The following GNG12 variants were observed in gnomAD, a reference collection of about 807,000 sequenced individuals.
GNG12 encodes the protein G protein subunit gamma 12, also known as guanine nucleotide-binding protein G(I)/G(S)/G(O) subunit gamma-12.
For missense variants in GNG12, 69 were observed against 83.8 expected (o/e 0.82, Z 0.69); for synonymous variants, 28 against 29.7 (o/e 0.94, Z 0.19).
chr1:67,753,557 C>T (rs1184880387), intron 2 of GNG12, among the ~76,000 whole-genome samples: 1 of 152,126 alleles, frequency 6.6e-6, no homozygotes, highest in Non-Finnish European at 1.5e-5. Context: ...CAGGGCAGCC[C>T]CGATACCTTC....
intron 2 of GNG12, among the ~76,000 whole-genome samples, chr1:67,756,381 G>A (rs1231441362): frequency 1.3e-5 from 2 of 152,238 alleles, no homozygotes; most frequent in Non-Finnish European, 2.9e-5. Context: ...AAGGCCAGTT[G>A]AGGGGCTGCT....
At chr1:67,728,126 C>G (rs748381773) in intron 2 of GNG12, among the ~76,000 whole-genome samples, 2 of 152,176 alleles carry the variant, frequency 1.3e-5, no homozygotes, top group African/African-American at 2.4e-5. Flanking sequence ...CACAAAGCCA[C>G]CAGAAGATGG....
intron 2 of GNG12, among the ~76,000 whole-genome samples, chr1:67,712,734 A>G (rs1570477312): frequency 6.6e-6 from 1 of 152,054 alleles, no homozygotes; most frequent in Middle Eastern, 3.4e-3. Flanking sequence ...TTTTCATTCT[A>G]GAAGCCACCC....
intron 2 of GNG12, among the ~76,000 whole-genome samples, chr1:67,772,139 T>C (rs150391858): frequency 6.6e-6 from 1 of 152,296 alleles, no homozygotes; most frequent in African/African-American, 2.4e-5. Context: ...GACATAATGA[T>C]GGAAAACATA....
chr1:67,789,185 G>A (rs899076883), intron 1 of GNG12, among the ~76,000 whole-genome samples: 2 of 152,146 alleles, frequency 1.3e-5, no homozygotes, highest in Admixed American at 6.5e-5. Context: ...CCAAGGGCCC[G>A]CTATTAAGTC....
chr1:67,804,300 G>C (rs1570563357), intron 1 of GNG12, among the ~76,000 whole-genome samples: 1 of 152,152 alleles, frequency 6.6e-6, no homozygotes, highest in African/African-American at 2.4e-5. Flanking sequence ...CAACCAAAGT[G>C]CTTTAGTGAA....
intron 1 of GNG12, among the ~76,000 whole-genome samples, chr1:67,784,921 T>C (rs1164092283): frequency 6.6e-6 from 1 of 152,302 alleles, no homozygotes; most frequent in African/African-American, 2.4e-5. Flanking sequence ...AGCAACCCTG[T>C]GAATGAGCTG....
chr1:67,731,868 G>T (rs986427978), intron 2 of GNG12, among the ~76,000 whole-genome samples: 14 of 152,274 alleles, frequency 9.2e-5, no homozygotes, highest in Admixed American at 8.5e-4. Context: ...TATTTTGTAT[G>T]CTTATTTTTT....
At chr1:67,727,951 G>GT (rs1202462563) in intron 2 of GNG12, among the ~76,000 whole-genome samples, 1 of 152,204 alleles carries the variant, frequency 6.6e-6, no homozygotes, top group East Asian at 1.9e-4. Flanking sequence ...TGCCCTATCA[G>GT]TTGCTTCTCC....
intron 1 of GNG12, among the ~76,000 whole-genome samples, chr1:67,817,673 G>C (rs1458508571): frequency 6.6e-6 from 1 of 152,038 alleles, no homozygotes; most frequent in Non-Finnish European, 1.5e-5. Flanking sequence ...TTCCTCATTA[G>C]CTTACTGGTC....
At chr1:67,819,547 A>G (rs755676621) in intron 1 of GNG12, among the ~76,000 whole-genome samples, 20 of 152,284 alleles carry the variant, frequency 1.3e-4, no homozygotes, top group Non-Finnish European at 2.1e-4. Context: ...TCCCTTCAAA[A>G]ATAACACAGT....
chr1:67,776,386 C>A (rs1030427233), intron 2 of GNG12, among the ~76,000 whole-genome samples: 1 of 152,150 alleles, frequency 6.6e-6, no homozygotes, highest in Admixed American at 6.6e-5. Flanking sequence ...TATCCATGCT[C>A]CTTGAAATGG....
At chr1:67,761,365 T>G (rs1039998162) in intron 2 of GNG12, among the ~76,000 whole-genome samples, 4 of 152,210 alleles carry the variant, frequency 2.6e-5, no homozygotes, top group Non-Finnish European at 5.9e-5. Context: ...ATTTCCAAGA[T>G]AAACAGAGAG....
chr1:67,789,332 C>T (rs1646787902), intron 1 of GNG12, among the ~76,000 whole-genome samples: 2 of 152,168 alleles, frequency 1.3e-5, no homozygotes, highest in African/African-American at 4.8e-5. Flanking sequence ...TGATTTCTAA[C>T]ACATTTTTGG....
chr1:67,735,040 G>T (rs538123748), intron 2 of GNG12, among the ~76,000 whole-genome samples: 2 of 152,034 alleles, frequency 1.3e-5, no homozygotes, highest in East Asian at 3.9e-4. Flanking sequence ...TTTTTTAGTA[G>T]AGATGGGGTT....
At chr1:67,743,228 C>G (rs191344330) in intron 2 of GNG12, among the ~76,000 whole-genome samples, 3 of 152,240 alleles carry the variant, frequency 2.0e-5, no homozygotes, top group Admixed American at 2.0e-4. Context: ...GAAATGCTAT[C>G]TAGTGTTTTA....
chr1:67,757,887 G>A (rs1034342681), intron 2 of GNG12, among the ~76,000 whole-genome samples: 10 of 152,194 alleles, frequency 6.6e-5, no homozygotes, highest in Non-Finnish European at 1.0e-4. Context: ...AAAAGAAAAC[G>A]CAGCAATGGA....
intron 2 of GNG12, among the ~76,000 whole-genome samples, chr1:67,717,874 C>T (rs544727509): frequency 2.6e-5 from 4 of 152,318 alleles, no homozygotes; most frequent in Non-Finnish European, 4.4e-5. Context: ...ATTCAAATCC[C>T]GGCTCATCAC....
intron 2 of GNG12, among the ~76,000 whole-genome samples, chr1:67,774,073 T>A (rs952012472): frequency 2.6e-5 from 4 of 152,294 alleles, no homozygotes; most frequent in Admixed American, 6.5e-5. Flanking sequence ...CTGTGTGGCA[T>A]TATCTTTATG....
Sources: allele counts gnomAD v4.1 joint callset (sites outside exome capture counted in the v4.1 genomes callset), GRCh38; gene constraint gnomAD v4.1.1; transcripts MANE v1.5; gene names NCBI Gene and HGNC (gene_info 2026-07-23, HGNC 2026-07-21).